The following THSD4 variants were observed in gnomAD, a reference collection of about 807,000 sequenced individuals.
THSD4 encodes the protein thrombospondin type 1 domain containing 4, also known as thrombospondin type-1 domain-containing protein 4.
Under a neutral mutation model 119.0 loss-of-function variants are expected in THSD4, and 69 were observed. That is an observed-to-expected ratio of 0.58 (90% CI 0.48 to 0.71). THSD4 has a LOEUF of 0.71. THSD4 is among the 30% of genes least tolerant of loss of function. The pLI, the probability that THSD4 is intolerant of heterozygous loss-of-function variation, is 0.00. For synonymous variants in THSD4, 524 were observed against 540.4 expected (o/e 0.97, Z 0.42); for missense variants, 1,393 against 1,391.1 (o/e 1.00, Z -0.02).
intron 8 of THSD4, among the ~76,000 whole-genome samples, chr15:71,673,872 T>C (rs2051583956): frequency 6.6e-6 from 1 of 152,206 alleles, no homozygotes; most frequent in South Asian, 2.1e-4. Flanking sequence ...TTCTCCTGCC[T>C]CAGCCTCCCG....
intron 8 of THSD4, among the ~76,000 whole-genome samples, chr15:71,695,668 AC>A (rs1350252253): frequency 6.6e-6 from 1 of 152,064 alleles, no homozygotes; most frequent in East Asian, 1.9e-4. Context: ...CTGAGTCCCA[AC>A]CAACCCAGGG....
intron 6 of THSD4, among the ~76,000 whole-genome samples, chr15:71,314,510 T>C (rs1036440041): frequency 6.6e-6 from 1 of 152,140 alleles, no homozygotes; most frequent in East Asian, 1.9e-4. Context: ...TTTCACCATG[T>C]TGGCCAGGCT....
At chr15:71,512,106 CA>C (rs937081094) in intron 7 of THSD4, among the ~76,000 whole-genome samples, 22 of 152,146 alleles carry the variant, frequency 1.4e-4, no homozygotes, top group African/African-American at 4.8e-4. Context: ...GCTAAGAAAT[CA>C]GGGGGTAACC....
chr15:71,354,278 C>T (rs1262624571), intron 6 of THSD4, among the ~76,000 whole-genome samples: 2 of 152,018 alleles, frequency 1.3e-5, no homozygotes, highest in Non-Finnish European at 2.9e-5. Flanking sequence ...CTGATCGAGA[C>T]CTTGTGTTTC....
intron 7 of THSD4, among the ~76,000 whole-genome samples, chr15:71,569,459 T>TAAGG (rs2049308463): frequency 6.6e-6 from 1 of 152,208 alleles, no homozygotes; most frequent in Non-Finnish European, 1.5e-5. Context: ...TATAATGCCT[T>TAAGG]CATTCTAAAA....
At chr15:71,470,784 C>T (rs922440183) in intron 7 of THSD4, among the ~76,000 whole-genome samples, 8 of 151,844 alleles carry the variant, frequency 5.3e-5, no homozygotes, top group Non-Finnish European at 1.0e-4. Flanking sequence ...TACAGGCGCC[C>T]GCCACCGCGC....
At chr15:71,249,191 CCA>C (rs974930906) in intron 5 of THSD4, among the ~76,000 whole-genome samples, 2 of 151,930 alleles carry the variant, frequency 1.3e-5, no homozygotes, top group African/African-American at 4.8e-5. Flanking sequence ...TGTATACACA[CCA>C]CACACACATA....
chr15:71,134,149 A>G (rs2040528255), intron 1 of THSD4, among the ~76,000 whole-genome samples: 1 of 152,242 alleles, frequency 6.6e-6, no homozygotes, highest in South Asian at 2.1e-4. Context: ...TGACAGGAAC[A>G]AAAAGGACAG....
At chr15:71,350,301 G>A (rs2045727702) in intron 6 of THSD4, among the ~76,000 whole-genome samples, 1 of 151,986 alleles carries the variant, frequency 6.6e-6, no homozygotes, top group Non-Finnish European at 1.5e-5. Flanking sequence ...AACAAGAAAG[G>A]ATATGGTGTC....
intron 7 of THSD4, among the ~76,000 whole-genome samples, chr15:71,647,327 C>T (rs2050989519): frequency 6.6e-6 from 1 of 152,202 alleles, no homozygotes; most frequent in African/African-American, 2.4e-5. Flanking sequence ...AATCATTCAT[C>T]TGGCAGCCAC....
intron 4 of THSD4, among the ~76,000 whole-genome samples, chr15:71,231,722 G>T (rs551152173): frequency 6.6e-6 from 1 of 152,118 alleles, no homozygotes; most frequent in South Asian, 2.1e-4. Context: ...TGCAGCTAAC[G>T]TATGTGACAC....
intron 8 of THSD4, among the ~76,000 whole-genome samples, chr15:71,691,450 C>T (rs1382333620): frequency 1.3e-5 from 2 of 152,306 alleles, no homozygotes; most frequent in East Asian, 1.9e-4. Context: ...GTTAGCTGAT[C>T]GTTAAGGAGC....
intron 6 of THSD4, among the ~76,000 whole-genome samples, chr15:71,360,127 T>G (rs959577901): frequency 6.6e-6 from 1 of 152,176 alleles, no homozygotes; most frequent in African/African-American, 2.4e-5. Context: ...GGCTCACTTA[T>G]CTGGCACGTG....
intron 6 of THSD4, among the ~76,000 whole-genome samples, chr15:71,344,513 A>G (rs963701608): frequency 2.0e-5 from 3 of 152,180 alleles, no homozygotes; most frequent in African/African-American, 7.2e-5. Flanking sequence ...TTCACGCCTC[A>G]GGGAGCATAC....
intron 6 of THSD4, among the ~76,000 whole-genome samples, chr15:71,396,929 CA>C (rs1323869753): frequency 1.3e-5 from 2 of 152,170 alleles, no homozygotes; most frequent in African/African-American, 4.8e-5. Context: ...TTCACTTAGC[CA>C]AATCCCATGA....
At chr15:71,608,087 G>A (rs2050144650) in intron 7 of THSD4, among the ~76,000 whole-genome samples, 1 of 151,860 alleles carries the variant, frequency 6.6e-6, no homozygotes, top group East Asian at 1.9e-4. Context: ...GCGGGGCGTG[G>A]TGGCAGGCAC....
chr15:71,757,086 A>G (rs1175694585), intron 14 of THSD4, among the ~76,000 whole-genome samples: 3 of 152,174 alleles, frequency 2.0e-5, no homozygotes, highest in Non-Finnish European at 4.4e-5. Flanking sequence ...TACAGTCTCC[A>G]TAGCCCTGTC....
chr15:71,283,122 A>G (rs1336278105), intron 6 of THSD4, among the ~76,000 whole-genome samples: 3 of 152,032 alleles, frequency 2.0e-5, no homozygotes, highest in Non-Finnish European at 2.9e-5. Context: ...GGCGCGTGCC[A>G]CCACACCCGG....
At position 71,781,039 on chromosome 15, in the gene THSD4, A is replaced by G. The variant is rs1363232866; in HGVS notation, c.*3665A>G. ...AATATAAGTGGTAAAAAGAAACATG[A>G]CTTCCCTTAAAACAGGCTGGATAAT... is the stretch of plus-strand genomic sequence containing the variant. On this transcript the variant is annotated 3_prime_UTR_variant, in exon 18 of 18. Coordinates refer to ENST00000261862, the MANE Select transcript of THSD4 (RefSeq NM_024817.3). The G allele has an allele frequency of 6.2e-6, 2 of 324,224 alleles. No individual in the cohort carries two copies. Among genetic ancestry groups the G allele is most frequent in the Admixed American group, 4.0e-5 (1 of 25,252 alleles). The allele number at this position is 324,224 out of a possible 1,614,324, so 20.1% of individuals were successfully genotyped here.
Sources: allele counts gnomAD v4.1 joint callset (sites outside exome capture counted in the v4.1 genomes callset), GRCh38; gene constraint gnomAD v4.1.1; transcripts MANE v1.5; gene names NCBI Gene and HGNC (gene_info 2026-07-23, HGNC 2026-07-21).